Variants in RUNX2 observed in about 807,000 individuals in gnomAD.
The protein encoded by RUNX2 is runt-related transcription factor 2.
RUNX2 carries 10 observed loss-of-function variants against 51.7 expected under a neutral mutation model. The observed-to-expected ratio is 0.19, with a 90% CI of 0.12 to 0.33. The LOEUF is 0.33. Ranked by LOEUF, RUNX2 falls within the 10% of genes least tolerant of loss-of-function variation. The pLI, the probability that RUNX2 is intolerant of heterozygous loss-of-function variation, is 1.00. For missense variants in RUNX2, 562 were observed against 691.3 expected (o/e 0.81, Z 2.10); for synonymous variants, 276 against 273.6 (o/e 1.01, Z -0.09).
At chr6:45,330,922 T>C (rs1052374021) in intron 2 of RUNX2, among the ~76,000 whole-genome samples, 6 of 152,000 alleles carry the variant, frequency 3.9e-5, no homozygotes, top group African/African-American at 1.4e-4. Flanking sequence ...CTATAATCTA[T>C]GCAAAGCCTA....
At chr6:45,370,199 G>C (rs112607097) in intron 2 of RUNX2, among the ~76,000 whole-genome samples, 2 of 152,206 alleles carry the variant, frequency 1.3e-5, no homozygotes, top group South Asian at 4.1e-4. Context: ...ACAGTGGGTT[G>C]AATTAGTTTA....
chr6:45,471,366 GGTGTT>G (rs1563101033), intron 5 of RUNX2, among the ~76,000 whole-genome samples: 5 of 151,920 alleles, frequency 3.3e-5, no homozygotes, highest in African/African-American at 1.2e-4. Context: ...TGAAAAGCAG[GGTGTT>G]TTGTGCATAT....
At chr6:45,446,359 A>G (rs74724614) in intron 5 of RUNX2, among the ~76,000 whole-genome samples, 1 of 152,226 alleles carries the variant, frequency 6.6e-6, no homozygotes, top group Non-Finnish European at 1.5e-5. Context: ...ATGTGTTCTA[A>G]AAACACATAC....
intron 7 of RUNX2, among the ~76,000 whole-genome samples, chr6:45,521,611 C>T (rs1347768835): frequency 6.6e-6 from 1 of 152,210 alleles, no homozygotes; most frequent in East Asian, 1.9e-4. Context: ...TGAAGCACAG[C>T]TATTCCTCTA....
chr6:45,470,445 C>G (rs1433350633), intron 5 of RUNX2, among the ~76,000 whole-genome samples: 2 of 152,158 alleles, frequency 1.3e-5, no homozygotes, highest in East Asian at 3.8e-4. Context: ...TAAAGATGTA[C>G]TCTGCCTTCA....
At chr6:45,451,019 C>T (rs77949461) in intron 5 of RUNX2, among the ~76,000 whole-genome samples, 3,923 of 152,194 alleles carry the variant, frequency 0.026, 144 homozygotes, top group African/African-American at 0.089. Flanking sequence ...GTTAAGGCTT[C>T]GAGGACAGGA....
intron 7 of RUNX2, among the ~76,000 whole-genome samples, chr6:45,539,534 A>T (rs1395984410): frequency 1.3e-5 from 2 of 152,236 alleles, no homozygotes; most frequent in Non-Finnish European, 2.9e-5. Flanking sequence ...GAAAAGTAAA[A>T]CTAAGTTAGT....
At chr6:45,444,013 G>A (rs1001198552) in intron 5 of RUNX2, among the ~76,000 whole-genome samples, 3 of 152,100 alleles carry the variant, frequency 2.0e-5, no homozygotes, top group African/African-American at 4.8e-5. Context: ...ACCATGCCTG[G>A]CTAATTTTTA....
In RUNX2 at chr6:45,548,731, T is replaced by G; in HGVS notation, c.*1426T>G. On this transcript the variant is annotated 3_prime_UTR_variant, in exon 9 of 9. Transcript: ENST00000647337. ...GTCAGCTAAAAGCCGCACATGTGGA[T>G]AGAGGGTTCAATTATGAGACACCTA... The G allele has an allele frequency of 6.1e-6, 1 of 162,970 alleles. No individual in the cohort carries two copies. Among genetic ancestry groups the G allele is most frequent in the South Asian group, 2.0e-4 (1 of 4,908 alleles). The allele number at this position is 162,970 out of a possible 1,614,324, so 10.1% of individuals were successfully genotyped here.
At chr6:45,398,688 C>A (rs57223738) in intron 2 of RUNX2, among the ~76,000 whole-genome samples, 5,551 of 152,258 alleles carry the variant, frequency 0.036, 359 homozygotes, top group African/African-American at 0.13. Flanking sequence ...GCTCCTTTAA[C>A]CTTCATGCTA....
At chr6:45,410,807 A>G (rs745361513) in intron 2 of RUNX2, among the ~76,000 whole-genome samples, 8 of 152,188 alleles carry the variant, frequency 5.3e-5, no homozygotes, top group Non-Finnish European at 8.8e-5. Context: ...TTCACCTGAA[A>G]CAATTAGTTT....
intron 5 of RUNX2, among the ~76,000 whole-genome samples, chr6:45,475,708 A>G (rs941172201): frequency 6.6e-6 from 1 of 152,216 alleles, no homozygotes; most frequent in Non-Finnish European, 1.5e-5. Context: ...CATTCTAGAT[A>G]TTCAACTGAT....
At chr6:45,514,252 G>T (rs1268349281) in intron 7 of RUNX2, among the ~76,000 whole-genome samples, 1 of 152,188 alleles carries the variant, frequency 6.6e-6, no homozygotes, top group Non-Finnish European at 1.5e-5. Flanking sequence ...CTGCATAAAT[G>T]AGTAGTCGTC....
At chr6:45,347,911 G>A (rs1408157710) in intron 2 of RUNX2, among the ~76,000 whole-genome samples, 1 of 152,006 alleles carries the variant, frequency 6.6e-6, no homozygotes, top group Non-Finnish European at 1.5e-5. Flanking sequence ...GGTTACCTGT[G>A]AATGAAAAAA....
At chr6:45,336,765 G>A (rs1448013274) in intron 2 of RUNX2, among the ~76,000 whole-genome samples, 1 of 151,326 alleles carries the variant, frequency 6.6e-6, no homozygotes, top group Non-Finnish European at 1.5e-5. Context: ...GATAGGAAGT[G>A]ATTTTCTATA....
intron 7 of RUNX2, among the ~76,000 whole-genome samples, chr6:45,543,041 C>G (rs1341898852): frequency 6.6e-6 from 1 of 152,164 alleles, no homozygotes; most frequent in Non-Finnish European, 1.5e-5. Flanking sequence ...TAGCCTAAAG[C>G]TTTACAAGAG....
At chr6:45,542,649 C>T (rs1802266579) in intron 7 of RUNX2, among the ~76,000 whole-genome samples, 1 of 152,208 alleles carries the variant, frequency 6.6e-6, no homozygotes, top group South Asian at 2.1e-4. Context: ...GGAACTCTCA[C>T]TGGGGCAACA....
At chr6:45,451,309 A>G (rs1404042886) in intron 5 of RUNX2, among the ~76,000 whole-genome samples, 1 of 152,188 alleles carries the variant, frequency 6.6e-6, no homozygotes, top group Non-Finnish European at 1.5e-5. Flanking sequence ...ATGAAGAGCA[A>G]TAGGAGTGGG....
chr6:45,464,171 C>T (rs184540089), intron 5 of RUNX2, among the ~76,000 whole-genome samples: 227 of 150,268 alleles, frequency 1.5e-3, no homozygotes, highest in African/African-American at 5.3e-3. Flanking sequence ...CCAGCCTGGG[C>T]GACAGAGCGA....
Sources: gnomAD v4.1 joint callset for allele counts (sites outside exome capture counted in the v4.1 genomes callset) on GRCh38, gnomAD v4.1.1 for gene constraint, MANE v1.5 for transcripts, NCBI Gene and HGNC (gene_info 2026-07-23, HGNC 2026-07-21) for gene names.